The following CARHSP1 variants were observed in gnomAD, a reference collection of about 807,000 sequenced individuals.
The protein encoded by CARHSP1 is calcium-regulated heat-stable protein 1.
Under a neutral mutation model 12.5 loss-of-function variants are expected in CARHSP1, and 14 were observed. The ratio of observed to expected loss-of-function variants is 1.12; its 90% CI spans 0.74 to 1.75. The LOEUF is 1.75. Ranked by LOEUF, CARHSP1 falls within the 40% of genes most tolerant of loss-of-function variation. The pLI is 0.00. For missense variants in CARHSP1, 343 were observed against 201.6 expected (o/e 1.70, Z -4.25); for synonymous variants, 161 against 82.0 (o/e 1.96, Z -5.20).
chr16:8,863,112 C>CTTTTTTTTTTTTT (rs71155412), intron 1 of CARHSP1, among the ~76,000 whole-genome samples: 3 of 74,130 alleles, frequency 4.0e-5, no homozygotes, highest in African/African-American at 1.7e-4. Flanking sequence ...ACAAGGATGG[C>CTTTTTTTTTTTTT]TTTTTTTTTT....
intron 1 of CARHSP1, among the ~76,000 whole-genome samples, chr16:8,863,286 C>CATTTTTTGT (rs61461752): frequency 0.32 from 47,909 of 151,470 alleles, 7,949 homozygotes; most frequent in Admixed American, 0.42. Context: ...ACAACCAGCT[C>CATTTTTTGT]ATTTTTTGTA....
chr16:8,861,925 C>T, intron 1 of CARHSP1: 2 of 532,710 alleles, frequency 3.8e-6, no homozygotes. Context: ...GTTAGAGACA[C>T]TGCCCTGCCT....
chr16:8,856,999 G>A (rs1435090146), intron 3 of CARHSP1, among the ~76,000 whole-genome samples: 8 of 152,114 alleles, frequency 5.3e-5, no homozygotes, highest in Admixed American at 5.2e-4. Context: ...GGAGCAAAGG[G>A]GCAGGACAGC....
intron 2 of CARHSP1, 154 bp downstream of exon 2, chr16:8,859,017 C>T (rs1404252185): frequency 1.1e-5 from 7 of 632,428 alleles, no homozygotes; most frequent in Non-Finnish European, 1.8e-5. Flanking sequence ...AAGGCGCCTT[C>T]CTAGTTTCTC....
At chr16:8,862,810 GTCA>G (rs898390644) in intron 1 of CARHSP1, among the ~76,000 whole-genome samples, 31 of 152,212 alleles carry the variant, frequency 2.0e-4, no homozygotes, top group South Asian at 1.4e-3. Context: ...ATCATGCCGC[GTCA>G]TCATCATCAT....
chr16:8,861,596 G>A lies in CARHSP1; in HGVS notation c.-7-2261C>T, dbSNP rs374726003. The A allele has an allele frequency of 3.1e-5, 40 of 1,286,300 alleles. No individual in the cohort carries two copies. The East Asian group carries it at 1.2e-3, about 39-fold the overall frequency. The allele number at this position is 1,286,300 out of a possible 1,614,324, so 79.7% of individuals were successfully genotyped here. ...TCCCCAGACATTGCTGCACTCTCCC[G>A]TTGGGCCTCAGTTCTGTCGGGCTGG... On this transcript the variant is annotated intron_variant, in intron 1 of 3. Coordinates refer to ENST00000311052, the MANE Select transcript of CARHSP1 (RefSeq NM_014316.4).
Position 8,855,173 on chromosome 16 carries a change from G to T in CARHSP1, c.435C>A (p.Ile145=). ...GTGCTTCCACCATCTCCTAGGAGCT[G>T]ATGACATGTCCAGACCAGGTCTCAT... ...TKHETWSGHV[I]SS is the part of the protein sequence containing the mutation. The change falls in exon 4 of 4, where the codon ATC becomes ATA. Residue 145 remains isoleucine (I), a synonymous_variant. Transcript: ENST00000311052. The T allele has an allele frequency of 6.3e-7, 1 of 1,597,712 alleles. No homozygotes were observed. Among genetic ancestry groups the T allele is most frequent in the Non-Finnish European group, 8.5e-7 (1 of 1,170,128 alleles).
chr16:8,857,612 G>A (rs1453065321), intron 3 of CARHSP1: 1 of 140,344 alleles, frequency 7.1e-6, no homozygotes, highest in African/African-American at 2.7e-5. Context: ...TTTTTGAAAT[G>A]GACTTTCACC....
chr16:8,868,370 G>C (rs1000518554), intron 1 of CARHSP1: 1 of 152,248 alleles, frequency 6.6e-6, no homozygotes, highest in South Asian at 2.1e-4. Flanking sequence ...CTGTGGGCGC[G>C]GGTGAAGTTT....
chr16:8,854,768 T>C lies in CARHSP1; in HGVS notation c.*396A>G, dbSNP rs761300288. The C allele has an allele frequency of 1.1e-4, 17 of 160,686 alleles. No individual in the cohort carries two copies. The highest frequency in any genetic ancestry group is 2.3e-4 in the Non-Finnish European group (17 of 73,770). The allele number at this position is 160,686 out of a possible 1,614,324, so 10.0% of individuals were successfully genotyped here. ...CCTGTCAGGCTGCCAGGGGGCCAGA[T>C]CTGGGAATCTGGGGCCTCCAGCTCC... On this transcript the variant is annotated 3_prime_UTR_variant, in exon 4 of 4. Transcript: ENST00000311052.
intron 3 of CARHSP1, among the ~76,000 whole-genome samples, chr16:8,856,148 G>A (rs2061097300): frequency 6.6e-6 from 1 of 152,168 alleles, no homozygotes; most frequent in Admixed American, 6.6e-5. Flanking sequence ...GGTGCATGAA[G>A]CTAGTTCCTG....
Position 8,859,287 on chromosome 16 carries a change from A to G in CARHSP1, c.42T>C (p.His14=). 1 of 1,445,568 alleles carries G rather than the reference A, an allele frequency of 6.9e-7. No homozygotes were observed. Among genetic ancestry groups the G allele is most frequent in the South Asian group, 1.2e-5 (1 of 86,310 alleles). The allele number at this position is 1,445,568 out of a possible 1,614,324, so 89.5% of individuals were successfully genotyped here. The change falls in exon 2 of 4, where the codon CAT becomes CAC. Residue 14 remains histidine (H), a synonymous_variant. Coordinates refer to ENST00000311052, the MANE Select transcript of CARHSP1 (RefSeq NM_014316.4). The stretch of plus-strand genomic sequence containing the variant: ...TGTCCAGCAGCCCGACTGAAGCTTG[A>G]TGGGTGGGGGGCTGTGGTGGTGGGG... ...EPPPPPQPPT[H]QASVGLLDTP...
At position 8,855,066 on chromosome 16, in the gene CARHSP1, G is replaced by T; in HGVS notation, c.*98C>A. On this transcript the variant is annotated 3_prime_UTR_variant, in exon 4 of 4. Transcript: ENST00000311052. ...TTGAGAGGGACCATGCCCGGCTGAA[G>T]CCCCGTCTCGTGTGGAAGAATGTCA... 1 of 1,068,566 alleles carries T rather than the reference G, an allele frequency of 9.4e-7. No homozygotes were observed. The allele number at this position is 1,068,566 out of a possible 1,614,324, so 66.2% of individuals were successfully genotyped here.
chr16:8,854,095 A>G lies in CARHSP1; in HGVS notation c.*1069T>C, dbSNP rs1035786161. ...TGAGACTCAGTCTCCCACCCTGCCA[A>G]AAAGTTTGCAATGTCGGCAGCAAAG... On this transcript the variant is annotated 3_prime_UTR_variant, in exon 4 of 4. Transcript: ENST00000311052. 1 of 152,082 alleles carries G rather than the reference A, an allele frequency of 6.6e-6. No homozygotes were observed. The highest frequency in any genetic ancestry group is 1.5e-5 in the Non-Finnish European group (1 of 68,006). 9.4% of individuals were successfully genotyped at this position (152,082 alleles called of 1,614,324 possible).
intron 1 of CARHSP1, chr16:8,861,858 G>C (rs2061365232): frequency 8.4e-7 from 1 of 1,185,504 alleles, no homozygotes; most frequent in African/African-American, 1.6e-5. Context: ...GGGAGGGGAG[G>C]GCCCTGTCCA....
chr16:8,859,147 G>C (rs201732027), intron 2 of CARHSP1, 24 bp downstream of exon 2: 2 of 1,564,686 alleles, frequency 1.3e-6, no homozygotes, highest in Non-Finnish European at 1.7e-6. Context: ...CTGAGAACGC[G>C]TCCCCAGCCT....
In CARHSP1 at chr16:8,859,308, T is replaced by TGGG. The variant is rs759110874; in HGVS notation, c.18_20dup (p.Pro9dup). 3 of 1,571,568 alleles carry TGGG rather than the reference T, an allele frequency of 1.9e-6. No homozygotes were observed. Among genetic ancestry groups the TGGG allele is most frequent in the Admixed American group, 1.8e-5 (1 of 55,510 alleles). On this transcript the variant is annotated inframe_insertion, in exon 2 of 4. Coordinates refer to ENST00000311052, the MANE Select transcript of CARHSP1 (RefSeq NM_014316.4). ...CTTGATGGGTGGGGGGCTGTGGTGG[T>TGGG]GGGGGAGGCTCAGATGACATGGCTG...
chr16:8,859,119 C>G, intron 2 of CARHSP1, 52 bp downstream of exon 2: 6 of 1,502,420 alleles, frequency 4.0e-6, no homozygotes, highest in Non-Finnish European at 5.4e-6. Context: ...AATCTCTGGC[C>G]TCAGGCAAGA....
chr16:8,859,643 CAT>C (rs962553792), intron 1 of CARHSP1, among the ~76,000 whole-genome samples: 5 of 152,012 alleles, frequency 3.3e-5, no homozygotes, highest in East Asian at 1.9e-4. Flanking sequence ...ATTTGGGACA[CAT>C]AGTATTTGTG....
Sources: allele counts gnomAD v4.1 joint callset (sites outside exome capture counted in the v4.1 genomes callset), GRCh38; gene constraint gnomAD v4.1.1; transcripts MANE v1.5; gene names NCBI Gene and HGNC (gene_info 2026-07-23, HGNC 2026-07-21).